The following SYTL5 variants were observed in gnomAD, a reference collection of about 807,000 sequenced individuals.
SYTL5 encodes the protein synaptotagmin like 5.
Under a neutral mutation model 55.9 loss-of-function variants are expected in SYTL5, and 34 were observed. The observed-to-expected ratio is 0.61, with a 90% confidence interval of 0.46 to 0.81. The LOEUF is 0.81. Ranked by LOEUF, SYTL5 falls within the 30% of genes least tolerant of loss-of-function variation. SYTL5 has a pLI of 0.00. For missense variants in SYTL5, 637 were observed against 546.7 expected (o/e 1.17, Z -1.65); for synonymous variants, 221 against 188.7 (o/e 1.17, Z -1.40).
intron 15 of SYTL5, among the ~76,000 whole-genome samples, chrX:38,122,569 A>C (rs1937583174): frequency 8.9e-6 from 1 of 112,322 alleles, no homozygotes; most frequent in South Asian, 3.7e-4. Context: ...GGCAATATGC[A>C]ACAATCACCA....
At chrX:38,039,886 A>C (rs1438585507) in intron 2 of SYTL5, among the ~76,000 whole-genome samples, 2 of 111,992 alleles carry the variant, frequency 1.8e-5, no homozygotes, top group Non-Finnish European at 3.8e-5. Context: ...TTTTTAAAAA[A>C]TGTTTTAGGC....
At chrX:38,016,335 A>G (rs958264896) in intron 1 of SYTL5, among the ~76,000 whole-genome samples, 17 of 111,756 alleles carry the variant, frequency 1.5e-4, no homozygotes, top group Non-Finnish European at 3.0e-4. Context: ...CATGGGGGAA[A>G]GCCACCTTTA....
intron 1 of SYTL5, among the ~76,000 whole-genome samples, chrX:38,016,795 G>C (rs1228242768): frequency 8.9e-6 from 1 of 111,969 alleles, no homozygotes; most frequent in Non-Finnish European, 1.9e-5. Context: ...TCAGAACATT[G>C]AACTTTCAAG....
the SYTL5 span, among the ~76,000 whole-genome samples, chrX:37,898,436 G>A: frequency 3.6e-5 from 4 of 111,964 alleles, no homozygotes; most frequent in African/African-American, 9.7e-5. Flanking sequence ...CCTTGTCAAG[G>A]TTCGATGGTT....
At chrX:38,103,601 G>A (rs1937135924) in intron 10 of SYTL5, among the ~76,000 whole-genome samples, 1 of 110,635 alleles carries the variant, frequency 9.0e-6, no homozygotes, top group South Asian at 3.9e-4. Flanking sequence ...CTAGAAACTT[G>A]GAGATCTTGC....
chrX:38,040,573 T>C (rs1381359337), intron 2 of SYTL5, among the ~76,000 whole-genome samples: 1 of 108,792 alleles, frequency 9.2e-6, no homozygotes, highest in Non-Finnish European at 1.9e-5. Context: ...AGTGAGAACA[T>C]GCGAAGTTTG....
the SYTL5 span, among the ~76,000 whole-genome samples, chrX:37,925,734 G>A: frequency 3.6e-5 from 4 of 110,824 alleles, no homozygotes; most frequent in African/African-American, 1.3e-4. Flanking sequence ...AACCCAATGT[G>A]TAGTCTTTTA....
At chrX:38,070,854 A>T (rs1242832059) in intron 3 of SYTL5, among the ~76,000 whole-genome samples, 1 of 111,835 alleles carries the variant, frequency 8.9e-6, no homozygotes, top group Non-Finnish European at 1.9e-5. Flanking sequence ...GATATGCCAG[A>T]AAAGGACTTT....
chrX:37,911,767 GAT>G, the SYTL5 span, among the ~76,000 whole-genome samples: 1 of 109,900 alleles, frequency 9.1e-6, no homozygotes, highest in Non-Finnish European at 1.9e-5. Context: ...TAGAAAATTT[GAT>G]ATATATATAT....
At chrX:38,020,844 T>G (rs753721337) in intron 1 of SYTL5, among the ~76,000 whole-genome samples, 2 of 111,680 alleles carry the variant, frequency 1.8e-5, no homozygotes, top group African/African-American at 3.3e-5. Context: ...AATATTCAAA[T>G]GATATATTCT....
intron 6 of SYTL5, among the ~76,000 whole-genome samples, chrX:38,086,541 G>A (rs1029099785): frequency 6.2e-4 from 69 of 111,603 alleles, no homozygotes; most frequent in African/African-American, 2.1e-3. Context: ...CTTTCTTGCC[G>A]GTTTTTACTT....
intron 1 of SYTL5, among the ~76,000 whole-genome samples, chrX:38,007,080 C>T (rs927776878): frequency 9.0e-6 from 1 of 111,444 alleles, no homozygotes; most frequent in African/African-American, 3.2e-5. Flanking sequence ...TCTCACATCT[C>T]TATATAACAT....
the SYTL5 span, among the ~76,000 whole-genome samples, chrX:37,927,631 A>T: frequency 9.1e-6 from 1 of 110,261 alleles, no homozygotes; most frequent in Admixed American, 9.7e-5. Flanking sequence ...AAAAAAAATT[A>T]GCTGGGTGTG....
the SYTL5 span, among the ~76,000 whole-genome samples, chrX:37,960,123 T>C: frequency 2.7e-5 from 3 of 110,946 alleles, no homozygotes; most frequent in African/African-American, 9.9e-5. Context: ...CATTCTACCC[T>C]CCCAGAGCTC....
chrX:37,973,316 G>A, the SYTL5 span, among the ~76,000 whole-genome samples: 13 of 111,151 alleles, frequency 1.2e-4, no homozygotes, highest in Non-Finnish European at 2.3e-4. Context: ...AAATCAGAGC[G>A]TAGTCCTCAA....
chrX:38,117,540 C>T (rs186586491), intron 13 of SYTL5, among the ~76,000 whole-genome samples: 7 of 112,252 alleles, frequency 6.2e-5, no homozygotes, highest in African/African-American at 2.3e-4. Context: ...CTACCTTAAA[C>T]CTTCGGGGCT....
At chrX:38,094,232 A>G in intron 7 of SYTL5, 63 bp from the exon 8 acceptor site, 3 of 1,011,080 alleles carry the variant, frequency 3.0e-6, no homozygotes, top group African/African-American at 1.9e-5. Flanking sequence ...ATATTTATGT[A>G]GATGAATTTT....
chrX:37,969,927 C>A, the SYTL5 span, among the ~76,000 whole-genome samples: 1 of 112,006 alleles, frequency 8.9e-6, no homozygotes, highest in Non-Finnish European at 1.9e-5. Context: ...AGCCAAGGTG[C>A]CCAGCCTGGC....
chrX:38,098,883 T>C lies in SYTL5; in HGVS notation c.1062+2649T>C, dbSNP rs960159659. 9.0e-5 allele frequency among the ~76,000 whole-genome samples: 10 copies of C among 111,044 alleles called. No homozygotes were observed. The South Asian group carries it at 3.7e-3, about 41-fold the overall frequency. Reference sequence around the variant, plus strand: ...ACATGCATGAACCTTGAAAATATTATGCTAAATGAAAGAAACCAGGCAAAA... The same window carrying C: ...ACATGCATGAACCTTGAAAATATTACGCTAAATGAAAGAAACCAGGCAAAA... On this transcript the variant is annotated intron_variant, in intron 9 of 16. Transcript: ENST00000297875.
Sources: allele counts gnomAD v4.1 joint callset (sites outside exome capture counted in the v4.1 genomes callset), GRCh38; gene constraint gnomAD v4.1.1; transcripts MANE v1.5; gene names NCBI Gene and HGNC (gene_info 2026-07-23, HGNC 2026-07-21).